Variants in IFNGR2 observed in about 807,000 individuals in gnomAD.
IFNGR2 encodes the protein interferon gamma receptor 2.
Under a neutral mutation model 41.1 loss-of-function variants are expected in IFNGR2, and 15 were observed. The ratio of observed to expected loss-of-function variants is 0.37; its 90% CI spans 0.24 to 0.56. The LOEUF (loss-of-function observed/expected upper bound fraction) is 0.56, where lower values mean the gene tolerates loss of function less well. Ranked by LOEUF, IFNGR2 falls within the 20% of genes least tolerant of loss-of-function variation. The pLI, the probability that IFNGR2 is intolerant of heterozygous loss-of-function variation, is 0.81. For missense variants in IFNGR2, 362 were observed against 415.7 expected, an observed-to-expected ratio of 0.87 and a Z score of 1.12; for synonymous variants, 161 against 171.6, an observed-to-expected ratio of 0.94 and a Z score of 0.48.
Position 33,436,999 on chromosome 21 carries a change from G to T in IFNGR2, c.*37G>T, listed in dbSNP as rs763806451. ...GGCCTAGCCCACTGGCTCCCTGGAAGAGATCAAGCCATCGGAGCTGCTAGA... is the reference window on the plus strand; with the variant it reads ...GGCCTAGCCCACTGGCTCCCTGGAATAGATCAAGCCATCGGAGCTGCTAGA... On this transcript the variant is annotated 3_prime_UTR_variant, in exon 7 of 7. Transcript: ENST00000290219. 12 of 1,611,750 alleles carry T rather than the reference G, an allele frequency of 7.4e-6. No individual in the cohort carries two copies. In the South Asian group the frequency reaches 1.3e-4, roughly 18 times the overall value.
intron 1 of IFNGR2, among the ~76,000 whole-genome samples, chr21:33,404,446 ATTG>A (rs1247831291): frequency 6.6e-6 from 1 of 151,850 alleles, no homozygotes; most frequent in African/African-American, 2.4e-5. Flanking sequence ...TATTTATTTT[ATTG>A]TTGTTTGAGA....
In IFNGR2 at chr21:33,432,460, G is replaced by A. The variant is rs1187064540; in HGVS notation, c.721+124G>A. ...GGGGAGACCCAGTGAGAAGAGTGCT[G>A]AACTGCAGGAATAATGAGCTTGTGC... On this transcript the variant is annotated intron_variant, in intron 5 of 6. Transcript: ENST00000290219. 7 of 973,934 alleles carry A rather than the reference G, an allele frequency of 7.2e-6. No individual in the cohort carries two copies. The African/African-American group carries it at 9.6e-5, about 13-fold the overall frequency. 60.3% of individuals were successfully genotyped at this position (973,934 alleles called of 1,614,324 possible).
chr21:33,422,939 A>G (rs951929414), intron 3 of IFNGR2, among the ~76,000 whole-genome samples: 1 of 151,170 alleles, frequency 6.6e-6, no homozygotes, highest in African/African-American at 2.4e-5. Flanking sequence ...ACAAGGACAA[A>G]GCTTCCAGGC....
chr21:33,421,505 G>A lies in IFNGR2; in HGVS notation c.232G>A (p.Asp78Asn), dbSNP rs760048640. ...KYTDSKWFTA[D>N]IMSIGVNCTQ... is the part of the protein sequence containing the mutation. ...CACCGACAGTAAATGGTTCACGGCC[G>A]ACATCATGTCCATAGGGGTGAATTG... Residue 78 changes from aspartate (D) to asparagine (N), a missense_variant, in exon 3 of 7, where the codon GAC (aspartate) becomes AAC (asparagine). By Grantham distance (23) the Asp-to-Asn change is conservative. Coordinates refer to ENST00000290219, the MANE Select transcript of IFNGR2 (RefSeq NM_005534.4). 4.3e-6 allele frequency: 7 copies of A among 1,613,890 alleles called. No homozygotes were observed. In the South Asian group the frequency reaches 4.4e-5, roughly 10 times the overall value.
At chr21:33,423,034 TAC>T (rs2083806510) in intron 3 of IFNGR2, among the ~76,000 whole-genome samples, 1 of 140,806 alleles carries the variant, frequency 7.1e-6, no homozygotes, top group Non-Finnish European at 1.6e-5. Flanking sequence ...ATCTTCCCTC[TAC>T]TTTTTTTTTT....
rs12655 is a variant in IFNGR2, at chr21:33,437,379, G to A, written c.*417G>A. 3.1e-3 allele frequency: 588 copies of A among 190,386 alleles called. 4 individuals are homozygous for A. Among genetic ancestry groups the A allele is most frequent in the African/African-American group, 0.013 (565 of 42,320 alleles). 11.8% of individuals were successfully genotyped at this position (190,386 alleles called of 1,614,324 possible). On this transcript the variant is annotated 3_prime_UTR_variant, in exon 7 of 7. Coordinates refer to ENST00000290219, the MANE Select transcript of IFNGR2 (RefSeq NM_005534.4). The stretch of plus-strand genomic sequence containing the variant: ...CAGGTCACACAACCTGTCCCAGCGA[G>A]GGACACCGAGTGGCCCTTCATGTAC...
rs776462360 is a variant in IFNGR2 at position 33,432,698 on chromosome 21, C to A, written c.722-16C>A. 1 of 1,613,572 alleles carries A rather than the reference C, an allele frequency of 6.2e-7. No homozygotes were observed. The highest frequency in any genetic ancestry group is 8.5e-7 in the Non-Finnish European group (1 of 1,179,522). ...GTAGGAAGATCATTCTGTTCACTTTCGTGTCCTCTTTTTAGCCTCCACTGA... is the reference window on the plus strand; with the variant it reads ...GTAGGAAGATCATTCTGTTCACTTTAGTGTCCTCTTTTTAGCCTCCACTGA... On this transcript the variant is annotated splice_polypyrimidine_tract_variant and intron_variant, in intron 5 of 6. Coordinates refer to ENST00000290219, the MANE Select transcript of IFNGR2 (RefSeq NM_005534.4).
chr21:33,427,159 G>A lies in IFNGR2; in HGVS notation c.561+127G>A. ...ATGTCCCCGTGTCCCCATAGAGGCT[G>A]AGCCCTGAGCCTGTTTTCATTGTCC... On this transcript the variant is annotated intron_variant, in intron 4 of 6. Transcript: ENST00000290219. The A allele has an allele frequency of 3.6e-6, 3 of 827,058 alleles. No individual in the cohort carries two copies. In the South Asian group the frequency reaches 4.3e-5, roughly 12 times the overall value. 51.2% of individuals were successfully genotyped at this position (827,058 alleles called of 1,614,324 possible).
chr21:33,424,970 C>T (rs570881779), intron 3 of IFNGR2, among the ~76,000 whole-genome samples: 4 of 152,164 alleles, frequency 2.6e-5, no homozygotes, highest in Non-Finnish European at 1.5e-5. Context: ...AGTGCAGTGG[C>T]CCGATCTCGG....
intron 6 of IFNGR2, among the ~76,000 whole-genome samples, chr21:33,433,505 G>A (rs1057130335): frequency 6.6e-6 from 1 of 152,176 alleles, no homozygotes; most frequent in African/African-American, 2.4e-5. Context: ...GAGTAGAGTA[G>A]GGCAGTCACA....
At position 33,432,204 on chromosome 21, in the gene IFNGR2, A is replaced by G; in HGVS notation, c.589A>G (p.Ile197Val). The G allele has an allele frequency of 6.2e-7, 1 of 1,614,168 alleles. No individual in the cohort carries two copies. The highest frequency in any genetic ancestry group is 8.5e-7 in the Non-Finnish European group (1 of 1,179,992). Residue 197 changes from isoleucine (I) to valine (V), a missense_variant, in exon 5 of 7, where the codon ATT (isoleucine) becomes GTT (valine). Transcript: ENST00000290219. ...CAAAGGCCCTTTCAGAAGCAACTCC[A>G]TTTCATTGGATAACTTAAAACCCTC... ...QVKGPFRSNS[I>V]SLDNLKPSRV... is the part of the protein sequence containing the mutation.
At chr21:33,421,839 G>A (rs1309663789) in intron 3 of IFNGR2, among the ~76,000 whole-genome samples, 154 bp downstream of exon 3, 1 of 152,244 alleles carries the variant, frequency 6.6e-6, no homozygotes, top group Non-Finnish European at 1.5e-5. Flanking sequence ...CTTGGAGGCT[G>A]ATGCTAAGGG....
At chr21:33,419,459 TTGTGTGTG>T (rs35945253) in intron 2 of IFNGR2, among the ~76,000 whole-genome samples, 6 of 149,988 alleles carry the variant, frequency 4.0e-5, no homozygotes, top group Admixed American at 2.7e-4. Context: ...TGTTTGAAAA[TTGTGTGTG>T]TGTGTGTGTG....
At chr21:33,421,272 C>T (rs2083789233) in intron 2 of IFNGR2, among the ~76,000 whole-genome samples, 1 of 129,442 alleles carries the variant, frequency 7.7e-6, no homozygotes. Flanking sequence ...GTGGAGGTTG[C>T]TGTGAGCCAA....
chr21:33,434,980 GT>G (rs1440895168), intron 6 of IFNGR2, among the ~76,000 whole-genome samples: 1 of 152,218 alleles, frequency 6.6e-6, no homozygotes, highest in Admixed American at 6.5e-5. Flanking sequence ...AGGTCTCTGA[GT>G]TACATGGGAA....
Position 33,409,284 on chromosome 21 carries a change from A to C in IFNGR2, c.74-5604A>C, listed in dbSNP as rs556133220. On this transcript the variant is annotated intron_variant, in intron 1 of 6. Coordinates refer to ENST00000290219, the MANE Select transcript of IFNGR2 (RefSeq NM_005534.4). Reference sequence around the variant, plus strand: ...GAGATCAAGACCATCCTGGCTAATAATGGTGAAACCTCGTCTCTCCTAAAA... The same window carrying C: ...GAGATCAAGACCATCCTGGCTAATACTGGTGAAACCTCGTCTCTCCTAAAA... Among the ~76,000 whole-genome samples the C allele has an allele frequency of 4.0e-5, 6 of 151,768 alleles. No individual in the cohort carries two copies. The South Asian group carries it at 1.3e-3, about 32-fold the overall frequency.
intron 2 of IFNGR2, among the ~76,000 whole-genome samples, chr21:33,420,744 A>G (rs1427727343): frequency 6.6e-6 from 1 of 152,190 alleles, no homozygotes; most frequent in Non-Finnish European, 1.5e-5. Context: ...TTAGAAGACA[A>G]ATAACCCAAT....
rs1026930622 is a variant in IFNGR2 at position 33,403,513 on chromosome 21, C to T, written c.-31C>T. The T allele has an allele frequency of 4.1e-6, 5 of 1,214,272 alleles. No homozygotes were observed. Among genetic ancestry groups the T allele is most frequent in the Middle Eastern group, 3.3e-4 (1 of 3,014 alleles). The allele number at this position is 1,214,272 out of a possible 1,614,324, so 75.2% of individuals were successfully genotyped here. A position where few individuals can be genotyped will look rare whatever the true frequency, so the allele number is the denominator to read the frequency against. On this transcript the variant is annotated 5_prime_UTR_variant, in exon 1 of 7. Transcript: ENST00000290219. The stretch of plus-strand genomic sequence containing the variant: ...CGGACCCCGAGCGGGGCCCCGGCCG[C>T]GACCTGAGCCGCCGCCGAGCGCCCG...
chr21:33,422,287 C>A (rs1268634256), intron 3 of IFNGR2, among the ~76,000 whole-genome samples: 1 of 152,164 alleles, frequency 6.6e-6, no homozygotes, highest in African/African-American at 2.4e-5. Context: ...ACATTTGTTC[C>A]TCCAGTAATT....
Sources: allele counts gnomAD v4.1 joint callset (sites outside exome capture counted in the v4.1 genomes callset), GRCh38; gene constraint gnomAD v4.1.1; transcripts MANE v1.5; gene names NCBI Gene and HGNC (gene_info 2026-07-23, HGNC 2026-07-21).